Variants in CPLANE1 observed in about 807,000 individuals in gnomAD.
CPLANE1 encodes ciliogenesis and planar polarity effector 1.
In CPLANE1, 263 loss-of-function variants were observed where a neutral mutation model predicts 362.5. The ratio of observed to expected loss-of-function variants is 0.73; its 90% CI spans 0.66 to 0.80. The LOEUF (loss-of-function observed/expected upper bound fraction) is 0.80. Among genes scored for constraint, CPLANE1 ranks in the 30% least tolerant of loss-of-function variants. CPLANE1 has a pLI of 0.00. For missense variants in CPLANE1, 3,461 were observed against 3,793.4 expected (o/e 0.91, Z 2.30); for synonymous variants, 1,212 against 1,302.6 (o/e 0.93, Z 1.50).
At chr5:37,179,069 A>C (rs1339419487) in intron 29 of CPLANE1, among the ~76,000 whole-genome samples, 1 of 152,164 alleles carries the variant, frequency 6.6e-6, no homozygotes, top group Non-Finnish European at 1.5e-5. Flanking sequence ...CCATACTTCC[A>C]TACTTTTTAA....
intron 20 of CPLANE1, among the ~76,000 whole-genome samples, chr5:37,196,801 T>C (rs1052679340): frequency 1.3e-5 from 2 of 152,048 alleles, no homozygotes; most frequent in African/African-American, 2.4e-5. Context: ...GGCAGGCGCC[T>C]GTAGTCCCAG....
chr5:37,188,240 A>C (rs1784558570), intron 21 of CPLANE1, among the ~76,000 whole-genome samples: 1 of 152,174 alleles, frequency 6.6e-6, no homozygotes, highest in Admixed American at 6.6e-5. Flanking sequence ...TGTTGCCAAT[A>C]TGGTGTTCCA....
At position 37,183,694 on chromosome 5, in the gene CPLANE1, G is replaced by A. The variant is rs1249678741; in HGVS notation, c.4487C>T (p.Ala1496Val). 1.9e-6 allele frequency: 3 copies of A among 1,558,886 alleles called. No homozygotes were observed. Among genetic ancestry groups the A allele is most frequent in the Non-Finnish European group, 2.6e-6 (3 of 1,158,114 alleles). Residue 1496 changes from alanine (A) to valine (V), a missense_variant, in exon 26 of 53, where the codon GCC becomes GTC. Coordinates refer to ENST00000651892, the MANE Select transcript of CPLANE1 (RefSeq NM_001384732.1). ...TGATGTTAATTCCATGTGATTTGGG[G>A]CATTTCTATAGCAAAAAAATAAAAT... The part of the protein sequence containing the change: ...KSRINIYQRN[A>V]PNHMELTSIH...
intron 43 of CPLANE1, among the ~76,000 whole-genome samples, chr5:37,144,397 TAAAAAA>T (rs1176016655): frequency 1.5e-5 from 1 of 67,544 alleles, no homozygotes. Context: ...AGACTTTGTC[TAAAAAA>T]AAAAAAAAAA....
At chr5:37,144,560 A>C (rs116238907) in intron 43 of CPLANE1, among the ~76,000 whole-genome samples, 3,236 of 152,052 alleles carry the variant, frequency 0.021, 126 homozygotes, top group African/African-American at 0.075. Context: ...TATTTAAATT[A>C]GAAATTTTAG....
chr5:37,107,727 C>T lies in CPLANE1; in HGVS notation c.9631G>A (p.Gly3211Ser), dbSNP rs750657907. ...GTGCTCTCAGACACGCTGTCCACAC[C>T]GCCCACCCCAAAAGGATGCTCTGGC... ...EEPEHPFGVG[G>S]VDSVSESTGS... is the part of the protein sequence containing the mutation. The change falls in exon 53 of 53, where the codon GGT becomes AGT. Residue 3211 changes from glycine (G) to serine (S), a missense_variant. Gly to Ser is a moderately conservative substitution (Grantham distance 56, BLOSUM62 0). Coordinates refer to ENST00000651892, the MANE Select transcript of CPLANE1 (RefSeq NM_001384732.1). 19 of 1,611,800 alleles carry T rather than the reference C, an allele frequency of 1.2e-5. No homozygotes were observed. The highest frequency in any genetic ancestry group is 6.7e-5 in the Admixed American group (4 of 59,738).
chr5:37,226,685 A>G lies in CPLANE1; in HGVS notation c.1910T>C (p.Phe637Ser). 1 of 1,551,016 alleles carries G rather than the reference A, an allele frequency of 6.4e-7. No homozygotes were observed. Among genetic ancestry groups the G allele is most frequent in the Non-Finnish European group, 8.7e-7 (1 of 1,146,712 alleles). The change falls in exon 12 of 53, where the codon TTT becomes TCT. Residue 637 changes from phenylalanine to serine, a missense_variant. Phe to Ser is a radical substitution (Grantham distance 155). Transcript: ENST00000651892. ...TGATAAACACTGATGAAAAAGTTGA[A>G]AGATACAAAGTATCCATGCATTATG... is the stretch of plus-strand genomic sequence containing the variant. ...SRHNAWILCI[F>S]QLFHQCLSIH...
intron 46 of CPLANE1, among the ~76,000 whole-genome samples, chr5:37,133,158 G>A (rs1766482089): frequency 1.3e-5 from 2 of 152,158 alleles, no homozygotes; most frequent in Admixed American, 1.3e-4. Context: ...CCAGTACCAT[G>A]CTGTTTTGGT....
chr5:37,166,210 T>C (rs542266781), intron 35 of CPLANE1, among the ~76,000 whole-genome samples: 64 of 152,336 alleles, frequency 4.2e-4, no homozygotes, highest in Non-Finnish European at 7.8e-4. Context: ...TTAGTAATAA[T>C]CTACCAATCA....
At chr5:37,227,097 G>C (rs774889505) in intron 11 of CPLANE1, 24 bp from the exon 12 acceptor site, 11 of 1,525,908 alleles carry the variant, frequency 7.2e-6, no homozygotes, top group Admixed American at 2.1e-5. Context: ...GGAAAAAAAT[G>C]ATACTTAATA....
Position 37,140,202 on chromosome 5 carries a change from G to A in CPLANE1, c.8633-832C>T, listed in dbSNP as rs545367177. 2.7e-3 allele frequency: 2,369 copies of A among 876,178 alleles called. 5 individuals carry two copies. Among genetic ancestry groups the A allele is most frequent in the Non-Finnish European group, 3.1e-3 (2,247 of 730,542 alleles). 54.3% of individuals were successfully genotyped at this position (876,178 alleles called of 1,614,324 possible). ...TATGTTTAATTCTAAAAACAGGATTGAATTAATATAGGGAAAAGTGTTCTG... is the reference window on the plus strand; with the variant it reads ...TATGTTTAATTCTAAAAACAGGATTAAATTAATATAGGGAAAAGTGTTCTG... On this transcript the variant is annotated intron_variant, in intron 44 of 52. Transcript: ENST00000651892.
At chr5:37,246,496 A>G (rs897322040) in intron 2 of CPLANE1, 2 of 152,156 alleles carry the variant, frequency 1.3e-5, no homozygotes, top group African/African-American at 2.4e-5. Flanking sequence ...CAATTTTAAC[A>G]GTAGTATGAG....
At chr5:37,158,510 C>G (rs1561440792) in intron 38 of CPLANE1, among the ~76,000 whole-genome samples, 165 bp from the exon 39 acceptor site, 1 of 152,150 alleles carries the variant, frequency 6.6e-6, no homozygotes, top group Non-Finnish European at 1.5e-5. Context: ...ACATTCTATT[C>G]TAAGGGCAAT....
chr5:37,198,742 T>C lies in CPLANE1; in HGVS notation c.3632A>G (p.Tyr1211Cys), dbSNP rs1788282786. Residue 1211 changes from tyrosine to cysteine, a missense_variant, in exon 20 of 53, where the codon TAT becomes TGT. Tyr to Cys is a radical substitution (Grantham distance 194). Coordinates refer to ENST00000651892, the MANE Select transcript of CPLANE1 (RefSeq NM_001384732.1). Reference protein sequence around the residue: ...AQCSFPVAQWYILQLRWARKV... With the variant: ...AQCSFPVAQWCILQLRWARKV... ...TCTTGCCCACCTCAACTGCAATATA[T>C]ACCACTGTGCTACAGGAAAAGAACA... The C allele has an allele frequency of 3.1e-6, 5 of 1,614,136 alleles. No individual in the cohort carries two copies. Among genetic ancestry groups the C allele is most frequent in the East Asian group, 2.2e-5 (1 of 44,886 alleles).
chr5:37,245,951 T>A (rs1350752821), intron 2 of CPLANE1, 106 bp from the exon 3 acceptor site: 1 of 1,115,336 alleles, frequency 9.0e-7, no homozygotes, highest in Non-Finnish European at 1.2e-6. Flanking sequence ...AGAAAGATTA[T>A]CCATTTGTAC....
Position 37,173,858 on chromosome 5 carries a change from G to A in CPLANE1, c.6068C>T (p.Pro2023Leu), listed in dbSNP as rs1461613577. 1.2e-6 allele frequency: 2 copies of A among 1,614,000 alleles called. No homozygotes were observed. Among genetic ancestry groups the A allele is most frequent in the Middle Eastern group, 1.6e-4 (1 of 6,084 alleles). The change falls in exon 32 of 53, where the codon CCA becomes CTA. Residue 2023 changes from proline (P) to leucine (L), a missense_variant. By Grantham distance (98) the Pro-to-Leu change is moderately conservative. Coordinates refer to ENST00000651892, the MANE Select transcript of CPLANE1 (RefSeq NM_001384732.1). ...GVNVASQPPA[P>L]TPQKTQRNEF... is the part of the protein sequence containing the mutation. ...ATTTCTCTGGGTCTTCTGAGGTGTT[G>A]GAGCAGGTGGTTGTGAAGCAACATT...
At chr5:37,127,212 A>G (rs541199807) in intron 46 of CPLANE1, among the ~76,000 whole-genome samples, 1 of 152,310 alleles carries the variant, frequency 6.6e-6, no homozygotes, top group South Asian at 2.1e-4. Context: ...ATAGCCATGA[A>G]AACGACTATT....
downstream of CPLANE1, among the ~76,000 whole-genome samples, chr5:37,102,996 G>C (rs753222364): frequency 7.2e-5 from 11 of 152,180 alleles, no homozygotes; most frequent in Non-Finnish European, 1.5e-4. Flanking sequence ...GGGTGTTAAA[G>C]TGTCCAGTAT....
chr5:37,094,847 T>C, the CPLANE1 span, among the ~76,000 whole-genome samples: 1 of 152,168 alleles, frequency 6.6e-6, no homozygotes, highest in African/African-American at 2.4e-5. Flanking sequence ...GATGCATAAA[T>C]TCCTGGAAAG....
Sources: gnomAD v4.1 joint callset for allele counts (sites outside exome capture counted in the v4.1 genomes callset) on GRCh38, gnomAD v4.1.1 for gene constraint, MANE v1.5 for transcripts, NCBI Gene and HGNC (gene_info 2026-07-23, HGNC 2026-07-21) for gene names.